The following FAT4 variants were observed in gnomAD, a reference collection of about 807,000 sequenced individuals.
FAT4 encodes the protein protocadherin Fat 4.
In FAT4, 84 loss-of-function variants were observed where a neutral mutation model predicts 303.9. The observed-to-expected ratio is 0.28, with a 90% CI of 0.23 to 0.33. The LOEUF (loss-of-function observed/expected upper bound fraction) is 0.33, where lower values mean the gene tolerates loss of function less well. Ranked by LOEUF, FAT4 falls within the 10% of genes least tolerant of loss-of-function variation. FAT4 has a pLI of 1.00. For missense variants in FAT4, 6,005 were observed against 6,146.8 expected, an observed-to-expected ratio of 0.98 and a Z score of 0.77; for synonymous variants, 2,307 against 2,298.8, an observed-to-expected ratio of 1.00 and a Z score of -0.10.
chr4:125,396,985 G>A (rs376157388), intron 2 of FAT4, among the ~76,000 whole-genome samples: 24 of 149,134 alleles, frequency 1.6e-4, no homozygotes, highest in African/African-American at 5.6e-4. Context: ...ATGTGTGTGT[G>A]TATTTCAAAG....
At chr4:125,436,582 G>A (rs576275564) in intron 8 of FAT4, among the ~76,000 whole-genome samples, 30 of 152,268 alleles carry the variant, frequency 2.0e-4, no homozygotes, top group Non-Finnish European at 3.5e-4. Context: ...CTGAGACTGG[G>A]TAATTTATAA....
At chr4:125,448,004 A>G (rs1725886003) in intron 9 of FAT4, among the ~76,000 whole-genome samples, 1 of 152,118 alleles carries the variant, frequency 6.6e-6, no homozygotes, top group African/African-American at 2.4e-5. Context: ...ATTTTTGTTG[A>G]CAAGATTACA....
In FAT4 at chr4:125,318,404, G is replaced by A. The variant is rs752244648; in HGVS notation, c.1993G>A (p.Gly665Ser). Reference protein sequence around the residue: ...YSLLVLATDLGSPPQSSMARI... With the variant: ...YSLLVLATDLSSPPQSSMARI... ...CCTGTTGGTTCTGGCCACAGATCTG[G>A]GCTCCCCTCCCCAGTCATCAATGGC... The change falls in exon 2 of 18, where the codon GGC becomes AGC. Residue 665 changes from glycine (G) to serine (S), a missense_variant. Gly to Ser is a moderately conservative substitution (Grantham distance 56, BLOSUM62 0). Transcript: ENST00000394329. The A allele has an allele frequency of 6.2e-7, 1 of 1,614,138 alleles. No individual in the cohort carries two copies. Among genetic ancestry groups the A allele is most frequent in the Non-Finnish European group, 8.5e-7 (1 of 1,180,032 alleles).
At chr4:125,426,298 T>G (rs1015836977) in intron 7 of FAT4, among the ~76,000 whole-genome samples, 10 of 152,112 alleles carry the variant, frequency 6.6e-5, no homozygotes, top group African/African-American at 2.4e-4. Flanking sequence ...TTTTTAATAA[T>G]GAAAATTGCT....
intron 2 of FAT4, among the ~76,000 whole-genome samples, chr4:125,391,290 T>C (rs541797162): frequency 5.9e-5 from 9 of 152,138 alleles, no homozygotes; most frequent in African/African-American, 2.2e-4. Context: ...AATGATAGAC[T>C]AGACAAAGAA....
chr4:125,337,156 A>G (rs1366660830), intron 2 of FAT4, among the ~76,000 whole-genome samples: 1 of 152,058 alleles, frequency 6.6e-6, no homozygotes, highest in Non-Finnish European at 1.5e-5. Flanking sequence ...AGCAAAAGCC[A>G]TAAATATAAA....
intron 8 of FAT4, among the ~76,000 whole-genome samples, chr4:125,438,505 T>C (rs1213889578): frequency 6.6e-6 from 1 of 152,170 alleles, no homozygotes; most frequent in East Asian, 1.9e-4. Context: ...GAATTAACAT[T>C]ATACTTTTAC....
chr4:125,405,558 T>G (rs577385480), intron 3 of FAT4, among the ~76,000 whole-genome samples: 2 of 151,998 alleles, frequency 1.3e-5, no homozygotes, highest in South Asian at 2.1e-4. Flanking sequence ...TTACCTAGGC[T>G]ACAGTACAGT....
Position 125,320,306 on chromosome 4 carries a change from T to G in FAT4, c.3895T>G (p.Cys1299Gly). The change falls in exon 2 of 18, where the codon TGT becomes GGT. Residue 1299 changes from cysteine to glycine, a missense_variant. Transcript: ENST00000394329. ...AGGGACAATCCCCCTCAATTCAACG[T>G]GTACTTTAAATATTGATATTTTAGA... ...DSGTIPLNST[C>G]TLNIDILDEN... 6.2e-7 allele frequency: 1 copy of G among 1,613,522 alleles called. No homozygotes were observed. The highest frequency in any genetic ancestry group is 8.5e-7 in the Non-Finnish European group (1 of 1,179,464).
chr4:125,351,503 T>C (rs1487824014), intron 2 of FAT4, among the ~76,000 whole-genome samples: 1 of 151,766 alleles, frequency 6.6e-6, no homozygotes, highest in Non-Finnish European at 1.5e-5. Flanking sequence ...TCTAGTCACA[T>C]TATTTGTATC....
At chr4:125,360,880 G>A (rs1360348754) in intron 2 of FAT4, among the ~76,000 whole-genome samples, 2 of 142,598 alleles carry the variant, frequency 1.4e-5, no homozygotes. Flanking sequence ...AAATATTTAA[G>A]GATTTAATAT....
chr4:125,432,894 G>A (rs913024541), intron 7 of FAT4, among the ~76,000 whole-genome samples: 6 of 152,004 alleles, frequency 3.9e-5, no homozygotes, highest in African/African-American at 1.4e-4. Flanking sequence ...GAGGTATCAT[G>A]CTTCTTTATT....
chr4:125,415,113 AT>A lies in FAT4; in HGVS notation c.6153del (p.Leu2052PhefsTer5). 6.2e-7 allele frequency: 1 copy of A among 1,614,016 alleles called. No individual in the cohort carries two copies. The highest frequency in any genetic ancestry group is 8.5e-7 in the Non-Finnish European group (1 of 1,179,922). On this transcript the variant is annotated frameshift_variant, in exon 6 of 18. Coordinates refer to ENST00000394329, the MANE Select transcript of FAT4 (RefSeq NM_001291303.3). LOFTEE classifies it high-confidence loss of function. ...TGGATGTAAATGATAACCCACCGACATTTCTTTCCCCTAAATTGACATACAT... is the reference window on the plus strand; with the variant it reads ...TGGATGTAAATGATAACCCACCGACATTCTTTCCCCTAAATTGACATACAT... ...LLDVNDNPPT[F>X]LSPKLTYIPE...
At chr4:125,474,438 A>C (rs544184992) in intron 12 of FAT4, among the ~76,000 whole-genome samples, 74 of 151,320 alleles carry the variant, frequency 4.9e-4, no homozygotes, top group African/African-American at 1.7e-3. Flanking sequence ...AATAATCATA[A>C]CTATCAAAAG....
At chr4:125,447,644 C>T (rs1431088153) in intron 9 of FAT4, among the ~76,000 whole-genome samples, 1 of 151,974 alleles carries the variant, frequency 6.6e-6, no homozygotes, top group Non-Finnish European at 1.5e-5. Flanking sequence ...ACTTTTGTTA[C>T]CGTTTCTTCT....
chr4:125,482,236 A>G (rs1283839996), intron 16 of FAT4, among the ~76,000 whole-genome samples: 2 of 152,216 alleles, frequency 1.3e-5, no homozygotes, highest in East Asian at 1.9e-4. Context: ...TCAATTCTCT[A>G]TATAAACTCT....
Position 125,491,812 on chromosome 4 carries a change from A to G in FAT4, c.*44A>G. 1 of 1,512,218 alleles carries G rather than the reference A, an allele frequency of 6.6e-7. No individual in the cohort carries two copies. 93.7% of individuals were successfully genotyped at this position (1,512,218 alleles called of 1,614,324 possible). A position where few individuals can be genotyped will look rare whatever the true frequency, so the allele number is the denominator to read the frequency against. ...ATAAAATATAAAAACAAGAAATAAT[A>G]CTCAAACCATTGTAAAGTTGCTGAC... On this transcript the variant is annotated 3_prime_UTR_variant, in exon 18 of 18. Transcript: ENST00000394329.
At position 125,456,353 on chromosome 4, in the gene FAT4, A is replaced by G. The variant is rs139240166; in HGVS notation, c.11800+3543A>G. On this transcript the variant is annotated intron_variant, in intron 10 of 17. Transcript: ENST00000394329. Reference sequence around the variant, plus strand: ...TTGAAGTTATACATTAACGTTACATACTTCTCCTCAGAGTTCACTTCAGTC... The same window carrying G: ...TTGAAGTTATACATTAACGTTACATGCTTCTCCTCAGAGTTCACTTCAGTC... Among the ~76,000 whole-genome samples, 922 of 152,264 alleles carry G rather than the reference A, an allele frequency of 6.1e-3. 11 individuals carry two copies. The highest frequency in any genetic ancestry group is 0.021 in the African/African-American group (892 of 41,554).
chr4:125,342,232 TA>T (rs1191288354), intron 2 of FAT4, among the ~76,000 whole-genome samples: 2 of 152,034 alleles, frequency 1.3e-5, no homozygotes, highest in African/African-American at 4.8e-5. Flanking sequence ...TATAAATTTC[TA>T]AAATTTCAGC....
Sources: gnomAD v4.1 joint callset for allele counts (sites outside exome capture counted in the v4.1 genomes callset) on GRCh38, gnomAD v4.1.1 for gene constraint, MANE v1.5 for transcripts, NCBI Gene and HGNC (gene_info 2026-07-23, HGNC 2026-07-21) for gene names.